SNTB1: variants seen among roughly 807,000 people sequenced by gnomAD.
SNTB1 encodes beta-1-syntrophin.
A neutral mutation model predicts 48.9 loss-of-function variants in SNTB1; 36 were observed. The observed-to-expected ratio is 0.74, with a 90% confidence interval of 0.56 to 0.97. The LOEUF is 0.97. SNTB1 is among the 50% of genes least tolerant of loss of function. The probability of loss-of-function intolerance (pLI) is 0.00; values close to 1 mark genes in which losing one functional copy is unlikely to be tolerated. For missense variants in SNTB1, 786 were observed against 703.4 expected (o/e 1.12, Z -1.33); for synonymous variants, 299 against 294.6 (o/e 1.01, Z -0.15).
chr8:120,789,885 A>G (rs758177601), intron 1 of SNTB1, among the ~76,000 whole-genome samples: 27 of 152,038 alleles, frequency 1.8e-4, no homozygotes, highest in Non-Finnish European at 3.7e-4. Flanking sequence ...AACTCATTCT[A>G]CAAAGCCAGT....
chr8:120,710,858 A>G (rs939105653), intron 1 of SNTB1, among the ~76,000 whole-genome samples: 1 of 152,214 alleles, frequency 6.6e-6, no homozygotes, highest in Non-Finnish European at 1.5e-5. Flanking sequence ...CTGTTACAGC[A>G]GTACAAATAG....
intron 4 of SNTB1, among the ~76,000 whole-genome samples, chr8:120,557,763 A>G (rs1815589124): frequency 6.6e-6 from 1 of 152,180 alleles, no homozygotes; most frequent in South Asian, 2.1e-4. Context: ...AATCTAGCAC[A>G]TGGTAGGTGT....
At chr8:120,640,582 G>A (rs980690203) in intron 2 of SNTB1, among the ~76,000 whole-genome samples, 1 of 152,144 alleles carries the variant, frequency 6.6e-6, no homozygotes, top group Admixed American at 6.5e-5. Flanking sequence ...AGAGTTTTTA[G>A]CATGAAGGAC....
At chr8:120,762,774 A>G (rs1272241066) in intron 1 of SNTB1, among the ~76,000 whole-genome samples, 1 of 152,228 alleles carries the variant, frequency 6.6e-6, no homozygotes, top group Non-Finnish European at 1.5e-5. Flanking sequence ...AATCCAGTAC[A>G]GTGTTTAGTA....
At chr8:120,724,493 G>A (rs1818721420) in intron 1 of SNTB1, among the ~76,000 whole-genome samples, 1 of 152,164 alleles carries the variant, frequency 6.6e-6, no homozygotes, top group Non-Finnish European at 1.5e-5. Context: ...TTTTAGTTGA[G>A]ATTCCCTTTT....
intron 3 of SNTB1, among the ~76,000 whole-genome samples, chr8:120,586,447 C>T (rs1004604978): frequency 2.3e-4 from 35 of 152,242 alleles, no homozygotes; most frequent in African/African-American, 7.5e-4. Flanking sequence ...TTCCTGCTTC[C>T]GGGTCCCCCA....
intron 2 of SNTB1, among the ~76,000 whole-genome samples, chr8:120,663,085 G>A (rs1449631299): frequency 1.3e-5 from 2 of 151,968 alleles, no homozygotes; most frequent in Admixed American, 6.6e-5. Context: ...AGGAGAGGCC[G>A]CATAGCACAG....
At chr8:120,633,197 G>T (rs1164585123) in intron 2 of SNTB1, among the ~76,000 whole-genome samples, 6 of 152,156 alleles carry the variant, frequency 3.9e-5, no homozygotes, top group Non-Finnish European at 8.8e-5. Context: ...CATCTTTTAG[G>T]AATTTTATCT....
intron 1 of SNTB1, among the ~76,000 whole-genome samples, chr8:120,790,383 A>G (rs1044575327): frequency 6.6e-6 from 1 of 152,024 alleles, no homozygotes; most frequent in South Asian, 2.1e-4. Flanking sequence ...GAAATCCTAG[A>G]CAGAGCAATC....
chr8:120,770,583 G>C (rs1336878945), intron 1 of SNTB1, among the ~76,000 whole-genome samples: 1 of 152,062 alleles, frequency 6.6e-6, no homozygotes, highest in Non-Finnish European at 1.5e-5. Context: ...AGACCAGGGC[G>C]GGCAGATCAT....
intron 6 of SNTB1, among the ~76,000 whole-genome samples, chr8:120,540,475 C>A (rs890048912): frequency 2.0e-5 from 3 of 152,070 alleles, no homozygotes; most frequent in Non-Finnish European, 2.9e-5. Context: ...ATTTTTAAGC[C>A]AAGGATAAAG....
chr8:120,549,983 CA>C (rs1412223472), intron 4 of SNTB1, among the ~76,000 whole-genome samples: 1 of 152,146 alleles, frequency 6.6e-6, no homozygotes, highest in Non-Finnish European at 1.5e-5. Flanking sequence ...TTTTCTTAGG[CA>C]AAAGGCTTGT....
chr8:120,768,948 C>T (rs1158568961), intron 1 of SNTB1: 1 of 152,184 alleles, frequency 6.6e-6, no homozygotes, highest in African/African-American at 2.4e-5. Flanking sequence ...GGTGGAGAGG[C>T]TACTACTAAT....
intron 2 of SNTB1, among the ~76,000 whole-genome samples, chr8:120,651,450 G>C (rs1025252042): frequency 6.6e-6 from 1 of 152,322 alleles, no homozygotes; most frequent in Admixed American, 6.5e-5. Context: ...ACAAGTTAAT[G>C]AGAGTTGTGG....
At position 120,548,945 on chromosome 8, in the gene SNTB1, C is replaced by A; in HGVS notation, c.1150G>T (p.Gly384Cys). Reference sequence around the variant, plus strand: ...GCCTGGGGTGATCCCTTTCCTGGACCTGAATGGACCAGCCTGGAGAGAGAG... The same window carrying A: ...GCCTGGGGTGATCCCTTTCCTGGACATGAATGGACCAGCCTGGAGAGAGAG... ...PLLATRLVHS[G>C]PGKGSPQAGV... The change falls in exon 5 of 7, where the codon GGT (glycine) becomes TGT (cysteine). Residue 384 changes from glycine to cysteine, a missense_variant. Transcript: ENST00000517992. The A allele has an allele frequency of 6.3e-7, 1 of 1,585,756 alleles. No individual in the cohort carries two copies. Among genetic ancestry groups the A allele is most frequent in the Non-Finnish European group, 8.6e-7 (1 of 1,167,176 alleles).
intron 1 of SNTB1, among the ~76,000 whole-genome samples, chr8:120,777,248 A>C (rs1307035925): frequency 6.6e-6 from 1 of 152,232 alleles, no homozygotes; most frequent in African/African-American, 2.4e-5. Flanking sequence ...ACTGACAAAC[A>C]TGTTGAACTT....
At chr8:120,616,506 G>A (rs1027540259) in intron 3 of SNTB1, among the ~76,000 whole-genome samples, 2 of 150,954 alleles carry the variant, frequency 1.3e-5, no homozygotes, top group African/African-American at 4.9e-5. Flanking sequence ...AAAAATGGGG[G>A]GCTCTTGATA....
chr8:120,684,415 A>T (rs1231870393), intron 2 of SNTB1, among the ~76,000 whole-genome samples: 2 of 152,092 alleles, frequency 1.3e-5, no homozygotes, highest in Non-Finnish European at 2.9e-5. Context: ...CATCAACTCA[A>T]AAGTCTAAAA....
chr8:120,628,853 G>A (rs1816931673), intron 3 of SNTB1, among the ~76,000 whole-genome samples: 1 of 152,196 alleles, frequency 6.6e-6, no homozygotes, highest in Admixed American at 6.5e-5. Context: ...GCTCACAGAG[G>A]AAAGCAGATT....
Sources: allele counts gnomAD v4.1 joint callset (sites outside exome capture counted in the v4.1 genomes callset), GRCh38; gene constraint gnomAD v4.1.1; transcripts MANE v1.5; gene names NCBI Gene and HGNC (gene_info 2026-07-23, HGNC 2026-07-21).